Variants in CTNND2 observed in about 807,000 individuals in gnomAD.
CTNND2 encodes the protein catenin delta-2.
A neutral mutation model predicts 144.4 loss-of-function variants in CTNND2; 22 were observed. That is an observed-to-expected ratio of 0.15 (90% CI 0.11 to 0.22). CTNND2 has a LOEUF of 0.22. Ranked by LOEUF, CTNND2 falls within the 10% of genes least tolerant of loss-of-function variation. CTNND2 has a pLI of 1.00. For missense variants in CTNND2, 1,353 were observed against 1,618.8 expected (o/e 0.84, Z 2.82); for synonymous variants, 751 against 695.6 (o/e 1.08, Z -1.25).
intron 1 of CTNND2, among the ~76,000 whole-genome samples, chr5:11,732,641 G>A (rs1367490341): frequency 6.6e-6 from 1 of 152,078 alleles, no homozygotes; most frequent in Non-Finnish European, 1.5e-5. Flanking sequence ...ACTATTTTAG[G>A]TAAATTTATT....
chr5:11,753,816 C>T (rs959544136), intron 1 of CTNND2, among the ~76,000 whole-genome samples: 38 of 151,472 alleles, frequency 2.5e-4, no homozygotes, highest in African/African-American at 2.2e-4. Flanking sequence ...TTTTCTGGTT[C>T]GCAGTGTTTT....
At chr5:11,375,944 T>C (rs1325394874) in intron 7 of CTNND2, among the ~76,000 whole-genome samples, 1 of 152,130 alleles carries the variant, frequency 6.6e-6, no homozygotes, top group African/African-American at 2.4e-5. Context: ...TGTTGAAAGC[T>C]AACACCCAGT....
intron 1 of CTNND2, among the ~76,000 whole-genome samples, chr5:11,870,780 G>A (rs1437067907): frequency 6.6e-6 from 1 of 152,212 alleles, no homozygotes; most frequent in Non-Finnish European, 1.5e-5. Flanking sequence ...TTAATGCCTG[G>A]AGGGAAACTT....
In CTNND2 at chr5:11,129,156, C is replaced by T. The variant is rs1458370005; in HGVS notation, c.2160-11589G>A. Among the ~76,000 whole-genome samples, 54 of 11,222 alleles carry T rather than the reference C, an allele frequency of 4.8e-3. 4 individuals are homozygous for T. The highest frequency in any genetic ancestry group is 7.3e-3 in the Non-Finnish European group (39 of 5,312). 7.4% of individuals were successfully genotyped at this position (11,222 alleles called of 152,430 possible). Reference sequence around the variant, plus strand: ...TTATATATATTATATATAAAATATACATATATTATATATTATATATTTTAT... The same window carrying T: ...TTATATATATTATATATAAAATATATATATATTATATATTATATATTTTAT... On this transcript the variant is annotated intron_variant, in intron 12 of 21. Coordinates refer to ENST00000304623, the MANE Select transcript of CTNND2 (RefSeq NM_001332.4).
In CTNND2 at chr5:10,992,871, G is replaced by C. The variant is rs4701903; in HGVS notation, c.3085-194C>G. On this transcript the variant is annotated intron_variant, in intron 18 of 21. Transcript: ENST00000304623. ...GAAGACACACCTCCTTCCCTCCAGA[G>C]AGCCTGGCGGGTAGGGCCTGCTTTC... Among the ~76,000 whole-genome samples the C allele has an allele frequency of 0.44, 66,698 of 151,984 alleles. 15,222 individuals carry two copies. Among genetic ancestry groups the C allele is most frequent in the African/African-American group, 0.56 (23,318 of 41,432 alleles).
chr5:11,475,169 A>G (rs899582842), intron 3 of CTNND2, among the ~76,000 whole-genome samples: 1 of 152,220 alleles, frequency 6.6e-6, no homozygotes, highest in African/African-American at 2.4e-5. Context: ...ATAGCCTGTG[A>G]GCTACACTGA....
intron 9 of CTNND2, among the ~76,000 whole-genome samples, chr5:11,328,590 G>A (rs1168561563): frequency 6.6e-6 from 1 of 152,118 alleles, no homozygotes; most frequent in Non-Finnish European, 1.5e-5. Context: ...ACAGGCATGA[G>A]CCATTGCGTC....
intron 9 of CTNND2, among the ~76,000 whole-genome samples, chr5:11,269,052 T>C (rs150566433): frequency 2.0e-5 from 3 of 152,340 alleles, no homozygotes; most frequent in African/African-American, 7.2e-5. Context: ...GCTAAGAGCA[T>C]GGCCTCTGGA....
At chr5:11,201,986 A>T (rs1197252113) in intron 10 of CTNND2, among the ~76,000 whole-genome samples, 9 of 152,172 alleles carry the variant, frequency 5.9e-5, no homozygotes, top group Non-Finnish European at 4.4e-5. Flanking sequence ...AAAAAGGTTA[A>T]ACTATGAGTA....
At chr5:11,386,448 G>T (rs1217089899) in intron 6 of CTNND2, among the ~76,000 whole-genome samples, 1 of 152,130 alleles carries the variant, frequency 6.6e-6, no homozygotes, top group Non-Finnish European at 1.5e-5. Flanking sequence ...AATAGACTGG[G>T]CACTTTCACT....
At chr5:11,353,849 TCAGAAAGAAATG>T (rs1390164302) in intron 8 of CTNND2, among the ~76,000 whole-genome samples, 1 of 152,040 alleles carries the variant, frequency 6.6e-6, no homozygotes, top group Non-Finnish European at 1.5e-5. Context: ...GGCTTCTTCT[TCAGAAAGAAATG>T]CAGAAGAATC....
chr5:11,368,945 C>A (rs1422305380), intron 7 of CTNND2, among the ~76,000 whole-genome samples: 1 of 152,114 alleles, frequency 6.6e-6, no homozygotes, highest in Non-Finnish European at 1.5e-5. Context: ...TGTCCTCATG[C>A]CAATGAATCT....
At chr5:11,049,722 TG>T (rs1296733085) in intron 16 of CTNND2, among the ~76,000 whole-genome samples, 1 of 152,224 alleles carries the variant, frequency 6.6e-6, no homozygotes, top group Non-Finnish European at 1.5e-5. Flanking sequence ...CCTTTGTGCA[TG>T]GAATGTGTCC....
At position 11,087,837 on chromosome 5, in the gene CTNND2, GCAA is replaced by G. The variant is rs543502348; in HGVS notation, c.2638-4994_2638-4992del. ...ACTGAATTTTAGCCCATATGTTTAT[GCAA>G]TGCTCAAAATATTAATGTACAGGCA... On this transcript the variant is annotated intron_variant, in intron 15 of 21. Coordinates refer to ENST00000304623, the MANE Select transcript of CTNND2 (RefSeq NM_001332.4). 3.9e-4 allele frequency among the ~76,000 whole-genome samples: 59 copies of G among 152,270 alleles called. 1 individual carries two copies. In the South Asian group the frequency reaches 0.012, roughly 31 times the overall value.
intron 3 of CTNND2, among the ~76,000 whole-genome samples, chr5:11,553,767 A>G (rs965304143): frequency 2.0e-5 from 3 of 152,158 alleles, no homozygotes; most frequent in Admixed American, 1.3e-4. Flanking sequence ...CCAGTTCTCT[A>G]CTGATTAGAA....
chr5:11,658,483 A>C (rs1344327174), intron 2 of CTNND2, among the ~76,000 whole-genome samples: 3 of 152,152 alleles, frequency 2.0e-5, no homozygotes, highest in African/African-American at 7.2e-5. Context: ...GTCAAGTCAA[A>C]TTACTGACAA....
intron 2 of CTNND2, among the ~76,000 whole-genome samples, chr5:11,678,299 C>T (rs56166473): frequency 0.012 from 1,813 of 152,138 alleles, 27 homozygotes; most frequent in African/African-American, 0.042. Flanking sequence ...TTAACAAATC[C>T]GATATCTATC....
intron 10 of CTNND2, among the ~76,000 whole-genome samples, chr5:11,221,375 G>C (rs960039787): frequency 1.3e-5 from 2 of 152,144 alleles, no homozygotes; most frequent in Non-Finnish European, 2.9e-5. Context: ...CACAGAGCAG[G>C]GTTATTATGC....
chr5:11,389,225 C>T (rs891478660), intron 6 of CTNND2, among the ~76,000 whole-genome samples: 1 of 152,120 alleles, frequency 6.6e-6, no homozygotes, highest in Non-Finnish European at 1.5e-5. Context: ...ATGAGGAACC[C>T]ATTTACGAGA....
Sources: gnomAD v4.1 joint callset for allele counts (sites outside exome capture counted in the v4.1 genomes callset) on GRCh38, gnomAD v4.1.1 for gene constraint, MANE v1.5 for transcripts, NCBI Gene and HGNC (gene_info 2026-07-23, HGNC 2026-07-21) for gene names.